PLPP3: variants seen among roughly 807,000 people sequenced by gnomAD.
The protein encoded by PLPP3 is phospholipid phosphatase 3, also known as PAP2 beta.
A neutral mutation model predicts 29.6 loss-of-function variants in PLPP3; 6 were observed. The ratio of observed to expected loss-of-function variants is 0.20; its 90% CI spans 0.11 to 0.40. PLPP3 has a LOEUF of 0.40. PLPP3 is among the 10% of genes least tolerant of loss of function. The pLI is 1.00. For synonymous variants in PLPP3, 152 were observed against 159.7 expected (o/e 0.95, Z 0.36); for missense variants, 308 against 407.7 (o/e 0.76, Z 2.11).
Position 56,537,038 on chromosome 1 carries a change from T to C in PLPP3, c.214A>G (p.Ser72Gly), listed in dbSNP as rs780501647. The change falls in exon 2 of 6, where the codon AGC becomes GGC. Residue 72 changes from serine (S) to glycine (G), a missense_variant. Transcript: ENST00000371250. Reference sequence around the variant, plus strand: ...CCAGTTTTCAGTGGGTACTTGATGCTCTCATCATTGCAGTAAAACCCTCGG... The same window carrying C: ...CCAGTTTTCAGTGGGTACTTGATGCCCTCATCATTGCAGTAAAACCCTCGG... Reference protein sequence around the residue: ...YHRGFYCNDESIKYPLKTGET... With the variant: ...YHRGFYCNDEGIKYPLKTGET... 8.1e-6 allele frequency: 13 copies of C among 1,613,522 alleles called. No homozygotes were observed. Among genetic ancestry groups the C allele is most frequent in the Middle Eastern group, 1.6e-4 (1 of 6,078 alleles).
intron 5 of PLPP3, among the ~76,000 whole-genome samples, chr1:56,505,366 T>G (rs1473307276): frequency 1.3e-5 from 2 of 152,168 alleles, no homozygotes; most frequent in Non-Finnish European, 2.9e-5. Flanking sequence ...GAATATAACT[T>G]CCTCTCTGAA....
At chr1:56,563,390 C>T (rs1006363013) in intron 1 of PLPP3, among the ~76,000 whole-genome samples, 3 of 152,100 alleles carry the variant, frequency 2.0e-5, no homozygotes, top group African/African-American at 7.2e-5. Context: ...GTTTCATTTC[C>T]CTGGCTTTTT....
chr1:56,577,594 C>G (rs1419787298), intron 1 of PLPP3, among the ~76,000 whole-genome samples: 1 of 152,174 alleles, frequency 6.6e-6, no homozygotes, highest in African/African-American at 2.4e-5. Flanking sequence ...AGGTATAACT[C>G]CAGCCTAAGA....
intron 1 of PLPP3, among the ~76,000 whole-genome samples, chr1:56,566,995 A>T (rs1174002434): frequency 6.6e-6 from 1 of 152,234 alleles, no homozygotes; most frequent in African/African-American, 2.4e-5. Flanking sequence ...TTTCTATTTC[A>T]TGCCTTTAAA....
chr1:56,567,415 TGAG>T (rs1170077412), intron 1 of PLPP3, among the ~76,000 whole-genome samples: 5 of 130,982 alleles, frequency 3.8e-5, no homozygotes, highest in African/African-American at 1.2e-4. Context: ...TTTTTTTTTT[TGAG>T]ATGGAGTCTC....
rs567580635 is a variant in PLPP3 at position 56,571,110 on chromosome 1, T to G, written c.139+7768A>C. 2.0e-5 allele frequency among the ~76,000 whole-genome samples: 3 copies of G among 152,238 alleles called. No homozygotes were observed. In the South Asian group the frequency reaches 6.2e-4, roughly 32 times the overall value. On this transcript the variant is annotated intron_variant, in intron 1 of 5. Coordinates refer to ENST00000371250, the MANE Select transcript of PLPP3 (RefSeq NM_003713.5). Reference sequence around the variant, plus strand: ...CAAATTTCAAACCAACAAGTCCACATCCGAAAAGCAGAATGGTAGAAAGGC... The same window carrying G: ...CAAATTTCAAACCAACAAGTCCACAGCCGAAAAGCAGAATGGTAGAAAGGC...
chr1:56,547,534 A>G (rs1646013884), intron 1 of PLPP3, among the ~76,000 whole-genome samples: 2 of 152,166 alleles, frequency 1.3e-5, no homozygotes, highest in African/African-American at 4.8e-5. Context: ...ACCAGCTTCA[A>G]GTCTCAGATG....
chr1:56,527,845 G>T (rs1031722749), intron 2 of PLPP3, among the ~76,000 whole-genome samples: 8 of 152,216 alleles, frequency 5.3e-5, no homozygotes, highest in Non-Finnish European at 1.2e-4. Context: ...CGAGGCGAAG[G>T]CTTAAATTGT....
chr1:56,568,995 C>T (rs1324389051), intron 1 of PLPP3, among the ~76,000 whole-genome samples: 1 of 152,004 alleles, frequency 6.6e-6, no homozygotes. Flanking sequence ...GCACTTGCCA[C>T]CCCACTGGTC....
chr1:56,519,615 T>A (rs1645805030), intron 4 of PLPP3, among the ~76,000 whole-genome samples: 1 of 152,178 alleles, frequency 6.6e-6, no homozygotes, highest in Non-Finnish European at 1.5e-5. Context: ...GTTGACATTT[T>A]ATCCAGATAG....
At chr1:56,519,345 T>C (rs1021770015) in intron 4 of PLPP3, among the ~76,000 whole-genome samples, 2 of 152,158 alleles carry the variant, frequency 1.3e-5, no homozygotes, top group African/African-American at 4.8e-5. Context: ...TGAGAGTCCG[T>C]AATATAACCT....
chr1:56,513,709 C>T (rs1274716552), intron 4 of PLPP3: 1 of 152,082 alleles, frequency 6.6e-6, no homozygotes, highest in Non-Finnish European at 1.5e-5. Flanking sequence ...ATTGGAAAAA[C>T]TTAAGAGGAA....
rs577064703 is a variant in PLPP3, at chr1:56,509,054, A to T, written c.810+2922T>A. 3.9e-5 allele frequency among the ~76,000 whole-genome samples: 6 copies of T among 152,294 alleles called. No individual in the cohort carries two copies. In the South Asian group the frequency reaches 8.3e-4, roughly 21 times the overall value. On this transcript the variant is annotated intron_variant, in intron 5 of 5. Coordinates refer to ENST00000371250, the MANE Select transcript of PLPP3 (RefSeq NM_003713.5). ...CTCTCAGATGGCTTCAATGAAATGA[A>T]TCTCTCAGTGCTGCGATTCCAAGCC... is the stretch of plus-strand genomic sequence containing the variant.
At chr1:56,508,349 A>T (rs1255069792) in intron 5 of PLPP3, among the ~76,000 whole-genome samples, 1 of 152,162 alleles carries the variant, frequency 6.6e-6, no homozygotes, top group Non-Finnish European at 1.5e-5. Flanking sequence ...CAGCTTTGCT[A>T]CCTTCTCTCT....
chr1:56,512,654 A>G (rs1557499384), intron 4 of PLPP3: 2 of 152,454 alleles, frequency 1.3e-5, no homozygotes, highest in Non-Finnish European at 2.9e-5. Context: ...AAATAAATAA[A>G]TGCTGAGTCT....
intron 1 of PLPP3, among the ~76,000 whole-genome samples, chr1:56,574,769 T>A (rs1203593123): frequency 6.6e-6 from 1 of 152,180 alleles, no homozygotes; most frequent in South Asian, 2.1e-4. Flanking sequence ...TTTTCAACAT[T>A]AATTCTTTGG....
At chr1:56,537,502 T>C (rs1645936692) in intron 1 of PLPP3, among the ~76,000 whole-genome samples, 1 of 152,210 alleles carries the variant, frequency 6.6e-6, no homozygotes, top group African/African-American at 2.4e-5. Context: ...TTCTTAGCTC[T>C]TAACCATTTC....
chr1:56,536,252 C>T (rs1318952122), intron 2 of PLPP3, among the ~76,000 whole-genome samples: 1 of 152,176 alleles, frequency 6.6e-6, no homozygotes, highest in East Asian at 1.9e-4. Context: ...CAGGGAAAGC[C>T]ATTCTTCCTA....
intron 4 of PLPP3, chr1:56,517,145 C>G (rs374858785): frequency 3.3e-5 from 5 of 152,168 alleles, no homozygotes; most frequent in African/African-American, 9.7e-5. Flanking sequence ...GGGACAGCTC[C>G]GCTAAGAGTG....
Sources: allele counts gnomAD v4.1 joint callset (sites outside exome capture counted in the v4.1 genomes callset), GRCh38; gene constraint gnomAD v4.1.1; transcripts MANE v1.5; gene names NCBI Gene and HGNC (gene_info 2026-07-23, HGNC 2026-07-21).